The following ARID5B variants were observed in gnomAD, a reference collection of about 807,000 sequenced individuals.
ARID5B encodes the protein AT-rich interaction domain 5B, also known as AT-rich interactive domain-containing protein 5B.
In ARID5B, 13 loss-of-function variants were observed where a neutral mutation model predicts 97.2. The observed-to-expected ratio is 0.13, with a 90% CI of 0.09 to 0.21. The LOEUF is 0.21. Ranked by LOEUF, ARID5B falls within the 10% of genes least tolerant of loss-of-function variation. The pLI is 1.00. For missense variants in ARID5B, 1,210 were observed against 1,465.3 expected (o/e 0.83, Z 2.84); for synonymous variants, 556 against 570.3 (o/e 0.97, Z 0.36).
intron 2 of ARID5B, among the ~76,000 whole-genome samples, chr10:61,915,865 C>T (rs1349438566): frequency 1.3e-5 from 2 of 151,954 alleles, no homozygotes; most frequent in African/African-American, 2.4e-5. Flanking sequence ...AAGTGATTCT[C>T]CTGCCTCAGC....
chr10:62,011,339 T>C (rs1839215781), intron 4 of ARID5B, among the ~76,000 whole-genome samples: 1 of 152,230 alleles, frequency 6.6e-6, no homozygotes, highest in South Asian at 2.1e-4. Context: ...CAATGGATGT[T>C]GGTACTAATT....
intron 4 of ARID5B, among the ~76,000 whole-genome samples, chr10:62,040,746 T>C (rs1839626272): frequency 6.6e-6 from 1 of 152,188 alleles, no homozygotes; most frequent in Admixed American, 6.5e-5. Context: ...ATGAGATATT[T>C]TACTTTTATT....
At position 62,092,098 on chromosome 10, in the gene ARID5B, C is replaced by T. The variant is rs1840386351; in HGVS notation, c.2635C>T (p.Leu879Phe). Residue 879 changes from leucine to phenylalanine, a missense_variant, in exon 10 of 10, where the codon CTC (leucine) becomes TTC (phenylalanine). By Grantham distance (22) the Leu-to-Phe change is conservative (BLOSUM62 0). Coordinates refer to ENST00000279873, the MANE Select transcript of ARID5B (RefSeq NM_032199.3). ...TCCTTCCCACAGACACCAAGAAAAG[C>T]TCCATGTAAATTATCTCACGTCCCT... ...SFPSHRHQEKLHVNYLTSLHL... is the reference protein window; with the variant it reads ...SFPSHRHQEKFHVNYLTSLHL... 1.2e-6 allele frequency: 2 copies of T among 1,612,954 alleles called. No individual in the cohort carries two copies. Among genetic ancestry groups the T allele is most frequent in the Admixed American group, 3.3e-5 (2 of 59,708 alleles).
intron 5 of ARID5B, among the ~76,000 whole-genome samples, chr10:62,053,731 T>C (rs190822139): frequency 2.0e-5 from 3 of 152,290 alleles, no homozygotes; most frequent in African/African-American, 2.4e-5. Context: ...TTACAGGTGG[T>C]TTATATTCTA....
intron 9 of ARID5B, 113 bp from the exon 10 acceptor site, chr10:62,090,749 T>C: frequency 7.5e-7 from 1 of 1,337,588 alleles, no homozygotes. Flanking sequence ...CTTCACGAGC[T>C]GATTGACAAG....
At chr10:62,057,628 G>T (rs1490237930) in intron 6 of ARID5B, among the ~76,000 whole-genome samples, 1 of 152,118 alleles carries the variant, frequency 6.6e-6, no homozygotes, top group Non-Finnish European at 1.5e-5. Context: ...CGCCTTTCTT[G>T]TGAGATAATA....
chr10:61,937,231 A>G (rs1443600470), intron 2 of ARID5B, among the ~76,000 whole-genome samples: 24 of 152,280 alleles, frequency 1.6e-4, no homozygotes, highest in Admixed American at 1.5e-3. Context: ...ATCAGTTTCA[A>G]CTGTTTTTTA....
intron 3 of ARID5B, among the ~76,000 whole-genome samples, chr10:61,979,682 C>T (rs1378463027): frequency 6.6e-6 from 1 of 152,210 alleles, no homozygotes; most frequent in Non-Finnish European, 1.5e-5. Flanking sequence ...AGGTCTGGCA[C>T]AAACAGTAGC....
At chr10:61,917,956 G>A (rs981853412) in intron 2 of ARID5B, among the ~76,000 whole-genome samples, 1 of 152,128 alleles carries the variant, frequency 6.6e-6, no homozygotes, top group African/African-American at 2.4e-5. Flanking sequence ...TCCTGGAGAA[G>A]GGGCCCTTGA....
intron 3 of ARID5B, among the ~76,000 whole-genome samples, chr10:61,981,389 C>A (rs1838775082): frequency 6.6e-6 from 1 of 152,176 alleles, no homozygotes; most frequent in Non-Finnish European, 1.5e-5. Flanking sequence ...TCAAGCGATT[C>A]TCCTGCCTCA....
At chr10:62,048,902 G>A (rs7902904) in intron 4 of ARID5B, among the ~76,000 whole-genome samples, 78,162 of 151,522 alleles carry the variant, frequency 0.52, 20,763 homozygotes, top group East Asian at 0.64. Context: ...TTAATGAAAT[G>A]CCTGCGACCT....
intron 5 of ARID5B, among the ~76,000 whole-genome samples, chr10:62,055,387 C>T (rs1839842008): frequency 6.6e-6 from 1 of 152,138 alleles, no homozygotes; most frequent in African/African-American, 2.4e-5. Context: ...ATAACTACCT[C>T]ATTCGGGTTT....
intron 9 of ARID5B, among the ~76,000 whole-genome samples, chr10:62,087,320 G>GAAAAAAAAAAAAAAAAAA (rs1589292422): frequency 1.7e-4 from 13 of 76,006 alleles, no homozygotes; most frequent in South Asian, 4.7e-4. Context: ...AAAAAAAAAG[G>GAAAAAAAAAAAAAAAAAA]AAAAAAGATC....
intron 4 of ARID5B, among the ~76,000 whole-genome samples, chr10:62,026,323 AGT>A (rs1169518154): frequency 6.6e-6 from 1 of 152,188 alleles, no homozygotes; most frequent in Non-Finnish European, 1.5e-5. Flanking sequence ...GTGGGCAATG[AGT>A]GTGCTCATTT....
chr10:61,998,806 G>A (rs1442924845), intron 3 of ARID5B, among the ~76,000 whole-genome samples: 1 of 152,146 alleles, frequency 6.6e-6, no homozygotes, highest in Non-Finnish European at 1.5e-5. Flanking sequence ...TGGAGAAGGT[G>A]GGTGTATCAA....
Position 61,940,343 on chromosome 10 carries a change from A to C in ARID5B, c.437A>C (p.Tyr146Ser), listed in dbSNP as rs1416217803. 9.3e-6 allele frequency: 15 copies of C among 1,614,074 alleles called. No homozygotes were observed. In the Admixed American group the frequency reaches 2.5e-4, roughly 27 times the overall value. Residue 146 changes from tyrosine (Y) to serine (S), a missense_variant, in exon 3 of 10, where the codon TAC becomes TCC. Tyr to Ser is a moderately radical substitution (Grantham distance 144). Coordinates refer to ENST00000279873, the MANE Select transcript of ARID5B (RefSeq NM_032199.3). ...RNGQKEALLK[Y>S]RQSTLNSGLN... ...GGACAGAAGGAAGCTCTGCTGAAGTACAGGCAGTCAACCCTAAACAGTGGA... is the reference window on the plus strand; with the variant it reads ...GGACAGAAGGAAGCTCTGCTGAAGTCCAGGCAGTCAACCCTAAACAGTGGA...
chr10:61,903,011 C>A (rs1843643373), intron 2 of ARID5B, among the ~76,000 whole-genome samples: 1 of 152,104 alleles, frequency 6.6e-6, no homozygotes, highest in Non-Finnish European at 1.5e-5. Flanking sequence ...TCTGCCCGGG[C>A]GGATTTCAAA....
intron 2 of ARID5B, among the ~76,000 whole-genome samples, chr10:61,939,065 A>AAAAGT (rs1844355799): frequency 6.6e-6 from 1 of 151,224 alleles, no homozygotes; most frequent in African/African-American, 2.4e-5. Flanking sequence ...GTCATGTTTA[A>AAAAGT]CAGCAAAATT....
chr10:61,946,803 C>A (rs1383889078), intron 3 of ARID5B, among the ~76,000 whole-genome samples: 1 of 152,084 alleles, frequency 6.6e-6, no homozygotes, highest in Non-Finnish European at 1.5e-5. Flanking sequence ...CGCCTGTAGT[C>A]CGAGCTACTC....
Sources: gnomAD v4.1 joint callset for allele counts (sites outside exome capture counted in the v4.1 genomes callset) on GRCh38, gnomAD v4.1.1 for gene constraint, MANE v1.5 for transcripts, NCBI Gene and HGNC (gene_info 2026-07-23, HGNC 2026-07-21) for gene names.